TSPAN5: variants seen among roughly 807,000 people sequenced by gnomAD.
TSPAN5 encodes tetraspanin 5.
Under a neutral mutation model 37.1 loss-of-function variants are expected in TSPAN5, and 10 were observed. The observed-to-expected ratio is 0.27, with a 90% CI of 0.17 to 0.46. The LOEUF (loss-of-function observed/expected upper bound fraction) is 0.46, where lower values mean the gene tolerates loss of function less well. Among genes scored for constraint, TSPAN5 ranks in the 20% least tolerant of loss-of-function variants. The pLI, the probability that TSPAN5 is intolerant of heterozygous loss-of-function variation, is 1.00. For synonymous variants in TSPAN5, 110 were observed against 118.9 expected, an observed-to-expected ratio of 0.93 and a Z score of 0.48; for missense variants, 195 against 326.6, an observed-to-expected ratio of 0.60 and a Z score of 3.11.
chr4:98,595,237 G>A (rs1755736405), intron 1 of TSPAN5, among the ~76,000 whole-genome samples: 1 of 104,962 alleles, frequency 9.5e-6, no homozygotes, highest in Non-Finnish European at 1.8e-5. Context: ...AGAGGTGTTT[G>A]TAGTATTCTC....
chr4:98,489,645 G>A (rs968604523), intron 2 of TSPAN5, among the ~76,000 whole-genome samples: 1 of 152,136 alleles, frequency 6.6e-6, no homozygotes. Context: ...GATCCGGCAG[G>A]GTATCCGCTG....
At chr4:98,630,335 C>A (rs1011637907) in intron 1 of TSPAN5, among the ~76,000 whole-genome samples, 4 of 152,172 alleles carry the variant, frequency 2.6e-5, no homozygotes, top group Non-Finnish European at 5.9e-5. Context: ...AATCCCTACC[C>A]GCCTCCAATA....
chr4:98,587,195 G>A (rs921928783), intron 1 of TSPAN5, among the ~76,000 whole-genome samples: 4 of 152,210 alleles, frequency 2.6e-5, no homozygotes, highest in Admixed American at 2.0e-4. Context: ...AGTAACAAAA[G>A]CAGATAGATG....
chr4:98,606,505 G>A (rs1287113296), intron 1 of TSPAN5, among the ~76,000 whole-genome samples: 1 of 152,162 alleles, frequency 6.6e-6, no homozygotes, highest in Non-Finnish European at 1.5e-5. Flanking sequence ...CATAAACTAT[G>A]TAAGTGTCTA....
chr4:98,552,252 G>T (rs546653103), intron 1 of TSPAN5, among the ~76,000 whole-genome samples: 1 of 152,148 alleles, frequency 6.6e-6, no homozygotes, highest in East Asian at 1.9e-4. Context: ...CTTTGAGTTT[G>T]GTTTGTTCTT....
chr4:98,551,487 CTTTTCT>C (rs1208885276), intron 1 of TSPAN5, among the ~76,000 whole-genome samples: 3 of 85,222 alleles, frequency 3.5e-5, no homozygotes, highest in East Asian at 3.9e-4. Context: ...TTTCCTTTTT[CTTTTCT>C]TTTTTTTTTT....
intron 1 of TSPAN5, among the ~76,000 whole-genome samples, chr4:98,654,783 A>G (rs759390805): frequency 6.6e-6 from 1 of 152,252 alleles, no homozygotes; most frequent in Non-Finnish European, 1.5e-5. Flanking sequence ...GGGAGAGAGA[A>G]GCACGGACAC....
intron 1 of TSPAN5, among the ~76,000 whole-genome samples, chr4:98,653,138 A>C (rs1048463873): frequency 6.6e-6 from 1 of 152,260 alleles, no homozygotes; most frequent in Non-Finnish European, 1.5e-5. Context: ...CGAAGCTAAC[A>C]GATGTCTAGC....
intron 1 of TSPAN5, among the ~76,000 whole-genome samples, chr4:98,536,491 G>T (rs565663590): frequency 6.6e-6 from 1 of 152,238 alleles, no homozygotes; most frequent in Non-Finnish European, 1.5e-5. Context: ...ACCCACTTGA[G>T]GAGGCAGGCT....
At chr4:98,595,647 G>C (rs1230273262) in intron 1 of TSPAN5, among the ~76,000 whole-genome samples, 1 of 134,404 alleles carries the variant, frequency 7.4e-6, no homozygotes, top group African/African-American at 3.3e-5. Context: ...CTTTGCTCTC[G>C]TTGGTTTCGA....
At chr4:98,529,823 C>T (rs529131190) in intron 1 of TSPAN5, among the ~76,000 whole-genome samples, 1 of 152,202 alleles carries the variant, frequency 6.6e-6, no homozygotes, top group Non-Finnish European at 1.5e-5. Context: ...TGTTATACAG[C>T]CACAAAATAA....
intron 1 of TSPAN5, among the ~76,000 whole-genome samples, chr4:98,556,162 C>T (rs1445893718): frequency 6.6e-6 from 1 of 152,060 alleles, no homozygotes; most frequent in Non-Finnish European, 1.5e-5. Context: ...GCCCCAGATG[C>T]AGAGACATTT....
chr4:98,535,266 G>T (rs1276480348), intron 1 of TSPAN5, among the ~76,000 whole-genome samples: 1 of 152,120 alleles, frequency 6.6e-6, no homozygotes, highest in Non-Finnish European at 1.5e-5. Flanking sequence ...GTCTGTAAAG[G>T]ATTTTATTTC....
intron 1 of TSPAN5, among the ~76,000 whole-genome samples, chr4:98,510,086 A>G (rs2110288739): frequency 6.6e-6 from 1 of 152,296 alleles, no homozygotes; most frequent in Admixed American, 6.5e-5. Context: ...CTTTCCAGGC[A>G]TCATGCTTAG....
In TSPAN5 at chr4:98,471,429, A is replaced by G. The variant is rs1239491481; in HGVS notation, c.*1093T>C. On this transcript the variant is annotated 3_prime_UTR_variant, in exon 8 of 8. Coordinates refer to ENST00000305798, the MANE Select transcript of TSPAN5 (RefSeq NM_005723.4). ...CTGGTCTCTTCCCAGCCAGACTGGG[A>G]GGACATGCCACAACCTCCCAAGGCT... 5 of 152,180 alleles carry G rather than the reference A, an allele frequency of 3.3e-5. No individual in the cohort carries two copies. The highest frequency in any genetic ancestry group is 7.3e-5 in the Non-Finnish European group (5 of 68,062). 9.4% of individuals were successfully genotyped at this position (152,180 alleles called of 1,614,324 possible). A position where few individuals can be genotyped will look rare whatever the true frequency, so the allele number is the denominator to read the frequency against.
chr4:98,481,693 G>A lies in TSPAN5; in HGVS notation c.450+312C>T, dbSNP rs192616465. ...AATAACCAAAGAAAACTTTAAACCCGGAGCAAAACAATGTTCCTCAAATGC... is the reference window on the plus strand; with the variant it reads ...AATAACCAAAGAAAACTTTAAACCCAGAGCAAAACAATGTTCCTCAAATGC... On this transcript the variant is annotated intron_variant, in intron 4 of 7. Transcript: ENST00000305798. 9.0e-4 allele frequency among the ~76,000 whole-genome samples: 137 copies of A among 152,222 alleles called. 1 individual carries two copies. Among genetic ancestry groups the A allele is most frequent in the Middle Eastern group, 3.4e-3 (1 of 294 alleles).
intron 1 of TSPAN5, among the ~76,000 whole-genome samples, chr4:98,612,830 C>A (rs991545025): frequency 1.9e-4 from 29 of 152,364 alleles, no homozygotes; most frequent in African/African-American, 4.3e-4. Context: ...TCCCTCCCCC[C>A]ACAGGGCTAA....
chr4:98,636,639 TTAAA>T (rs1321653936), intron 1 of TSPAN5, among the ~76,000 whole-genome samples: 1 of 152,134 alleles, frequency 6.6e-6, no homozygotes, highest in Non-Finnish European at 1.5e-5. Flanking sequence ...ATCTGTGCAC[TTAAA>T]TAACACCTTG....
At chr4:98,629,880 A>G (rs1475476152) in intron 1 of TSPAN5, among the ~76,000 whole-genome samples, 1 of 152,134 alleles carries the variant, frequency 6.6e-6, no homozygotes, top group Non-Finnish European at 1.5e-5. Context: ...CTGACCACAA[A>G]CTTATGCTTC....
Sources: allele counts gnomAD v4.1 joint callset (sites outside exome capture counted in the v4.1 genomes callset), GRCh38; gene constraint gnomAD v4.1.1; transcripts MANE v1.5; gene names NCBI Gene and HGNC (gene_info 2026-07-23, HGNC 2026-07-21).